SNX29: variants seen among roughly 807,000 people sequenced by gnomAD.
SNX29 encodes sorting nexin 29, also known as sorting nexin-29.
In SNX29, 78 loss-of-function variants were observed where a neutral mutation model predicts 102.1. The observed-to-expected ratio is 0.76, with a 90% CI of 0.64 to 0.92. The LOEUF is 0.92. Among genes scored for constraint, SNX29 ranks in the 40% least tolerant of loss-of-function variants. The probability of loss-of-function intolerance (pLI) is 0.00; values close to 1 mark genes in which losing one functional copy is unlikely to be tolerated. For synonymous variants in SNX29, 580 were observed against 414.5 expected, an observed-to-expected ratio of 1.40 and a Z score of -4.85; for missense variants, 1,280 against 1,061.7, an observed-to-expected ratio of 1.21 and a Z score of -2.86.
Position 12,051,924 on chromosome 16 carries a change from C to G in SNX29, c.826C>G (p.Gln276Glu), listed in dbSNP as rs1280501381. ...IISFDDEEDE[Q>E]NSGDVFKKTP... is the part of the protein sequence containing the mutation. ...CTCATTTGATGATGAGGAAGATGAG[C>G]AGAACTCTGGGGACGTGTTTAAAAA... The change falls in exon 8 of 21, where the codon CAG becomes GAG. Residue 276 changes from glutamine to glutamate, a missense_variant. Physicochemically the swap from Gln to Glu is conservative, Grantham distance 29. Coordinates refer to ENST00000566228, the MANE Select transcript of SNX29 (RefSeq NM_032167.5). 28 of 1,613,094 alleles carry G rather than the reference C, an allele frequency of 1.7e-5. No individual in the cohort carries two copies. The highest frequency in any genetic ancestry group is 2.3e-5 in the Non-Finnish European group (27 of 1,179,798).
chr16:12,449,447 T>TAATG (rs2086207128), intron 18 of SNX29, among the ~76,000 whole-genome samples: 1 of 152,050 alleles, frequency 6.6e-6, no homozygotes, highest in African/African-American at 2.4e-5. Flanking sequence ...GCAAAGCAGG[T>TAATG]AATGATGTTT....
intron 19 of SNX29, among the ~76,000 whole-genome samples, chr16:12,495,281 AGTT>A (rs1157741757): frequency 6.6e-6 from 1 of 151,978 alleles, no homozygotes; most frequent in East Asian, 1.9e-4. Context: ...CCTCCCAAGT[AGTT>A]GGGATTACAG....
At chr16:12,421,606 AT>A (rs2084873655) in intron 18 of SNX29, among the ~76,000 whole-genome samples, 1 of 152,240 alleles carries the variant, frequency 6.6e-6, no homozygotes, top group African/African-American at 2.4e-5. Flanking sequence ...GAGGTAAAGA[AT>A]GGAGAGAACT....
At chr16:12,438,492 A>G (rs749688516) in intron 18 of SNX29, among the ~76,000 whole-genome samples, 18 of 151,902 alleles carry the variant, frequency 1.2e-4, no homozygotes, top group Admixed American at 5.2e-4. Context: ...TGATCATTTG[A>G]TCTCAACCTC....
chr16:12,380,399 C>CTACCCACCCACCCACCCCT (rs1401683353), intron 16 of SNX29, among the ~76,000 whole-genome samples: 4 of 36,034 alleles, frequency 1.1e-4, no homozygotes, highest in East Asian at 1.9e-3. Flanking sequence ...CACCCCTCAT[C>CTACCCACCCACCCACCCCT]CATCCACCCA....
intron 18 of SNX29, among the ~76,000 whole-genome samples, chr16:12,452,367 A>AGTGCTGTGACTGAGAAAACCT (rs1243995381): frequency 7.9e-5 from 12 of 152,276 alleles, no homozygotes; most frequent in Non-Finnish European, 1.5e-5. Flanking sequence ...CAGCTCCCAT[A>AGTGCTGTGACTGAGAAAACCT]CAAGACTGTG....
In SNX29 at chr16:12,569,991, A is replaced by T; in HGVS notation, c.*1362A>T. 3.9e-6 allele frequency: 1 copy of T among 257,852 alleles called. No homozygotes were observed. Among genetic ancestry groups the T allele is most frequent in the Middle Eastern group, 1.2e-3 (1 of 852 alleles). The allele number at this position is 257,852 out of a possible 1,614,324, so 16.0% of individuals were successfully genotyped here. On this transcript the variant is annotated 3_prime_UTR_variant, in exon 21 of 21. Coordinates refer to ENST00000566228, the MANE Select transcript of SNX29 (RefSeq NM_032167.5). ...ATGGGCTTGTCCTGGAACTGCTTCAACTCAGTGGCTTAAAATGAGAACTGC... is the reference window on the plus strand; with the variant it reads ...ATGGGCTTGTCCTGGAACTGCTTCATCTCAGTGGCTTAAAATGAGAACTGC...
rs931399734 is a variant in SNX29, at chr16:12,524,747, C to A, written c.2224C>A (p.Leu742Met). Residue 742 changes from leucine (L) to methionine (M), a missense_variant, in exon 20 of 21, where the codon CTG (leucine) becomes ATG (methionine). Physicochemically the swap from Leu to Met is conservative, Grantham distance 15. Coordinates refer to ENST00000566228, the MANE Select transcript of SNX29 (RefSeq NM_032167.5). The part of the protein sequence containing the change: ...EERRKQLQNY[L>M]RSVMNKVIQM... The stretch of plus-strand genomic sequence containing the variant: ...ACGGAGAAAGCAGCTCCAGAATTAC[C>A]TGCGCAGCGTCATGAACAAAGTCAT... The A allele has an allele frequency of 6.2e-7, 1 of 1,613,576 alleles. No homozygotes were observed. Among genetic ancestry groups the A allele is most frequent in the Non-Finnish European group, 8.5e-7 (1 of 1,179,758 alleles).
intron 19 of SNX29, among the ~76,000 whole-genome samples, chr16:12,506,061 A>C (rs1420957089): frequency 6.6e-6 from 1 of 152,184 alleles, no homozygotes; most frequent in Admixed American, 6.5e-5. Context: ...CCCAGGCTCA[A>C]GTGATTCTCA....
intron 14 of SNX29, among the ~76,000 whole-genome samples, chr16:12,212,437 G>A (rs545282466): frequency 3.3e-5 from 5 of 152,312 alleles, no homozygotes; most frequent in East Asian, 1.9e-4. Context: ...TGGAAGAGGA[G>A]CCTGGGGAAG....
chr16:12,075,512 G>C (rs945420845), intron 10 of SNX29, among the ~76,000 whole-genome samples: 2 of 152,150 alleles, frequency 1.3e-5, no homozygotes, highest in Admixed American at 6.5e-5. Context: ...CTGTCTGATC[G>C]TTCCTCTGGA....
At chr16:12,351,723 C>T (rs11646079) in intron 15 of SNX29, among the ~76,000 whole-genome samples, 2,706 of 152,140 alleles carry the variant, frequency 0.018, 32 homozygotes, top group Non-Finnish European at 0.026. Context: ...GGAATTACTC[C>T]ATCTCCTAAA....
chr16:12,293,110 T>C (rs1673297010), intron 15 of SNX29, among the ~76,000 whole-genome samples: 1 of 152,244 alleles, frequency 6.6e-6, no homozygotes, highest in African/African-American at 2.4e-5. Context: ...TTTATTACTA[T>C]ACATATATTT....
chr16:12,078,856 A>G lies in SNX29; in HGVS notation c.1343A>G (p.His448Arg). 1.9e-6 allele frequency: 3 copies of G among 1,606,344 alleles called. No individual in the cohort carries two copies. The South Asian group carries it at 3.4e-5, about 18-fold the overall frequency. Residue 448 changes from histidine (H) to arginine (R), a missense_variant, in exon 11 of 21, where the codon CAC (histidine) becomes CGC (arginine). His to Arg is a conservative substitution (Grantham distance 29). Coordinates refer to ENST00000566228, the MANE Select transcript of SNX29 (RefSeq NM_032167.5). ...RYSVEASSPG[H>R]GSPLSSLLPS... Reference sequence around the variant, plus strand: ...AGTGTGGAAGCCAGCTCTCCAGGCCACGGAAGTCCTCTGAGCAGCCTGTTA... The same window carrying G: ...AGTGTGGAAGCCAGCTCTCCAGGCCGCGGAAGTCCTCTGAGCAGCCTGTTA...
chr16:12,392,419 C>G (rs1182203798), intron 16 of SNX29, among the ~76,000 whole-genome samples: 2 of 152,190 alleles, frequency 1.3e-5, no homozygotes, highest in African/African-American at 4.8e-5. Context: ...TCCCCATGCC[C>G]TTTGCCTCCC....
intron 18 of SNX29, among the ~76,000 whole-genome samples, chr16:12,462,546 T>G (rs2086852741): frequency 6.6e-6 from 1 of 152,152 alleles, no homozygotes; most frequent in African/African-American, 2.4e-5. Context: ...GCAGCCACTG[T>G]TAATGTTTTA....
At chr16:12,331,452 G>A (rs1011943434) in intron 15 of SNX29, among the ~76,000 whole-genome samples, 1 of 152,168 alleles carries the variant, frequency 6.6e-6, no homozygotes, top group Non-Finnish European at 1.5e-5. Flanking sequence ...AGAGCATGAG[G>A]TGTTGTATCT....
At chr16:12,465,992 A>C (rs1191262753) in intron 18 of SNX29, among the ~76,000 whole-genome samples, 1 of 152,208 alleles carries the variant, frequency 6.6e-6, no homozygotes, top group Non-Finnish European at 1.5e-5. Context: ...AGAAGGATGT[A>C]CCTCAGCATA....
At chr16:12,467,637 T>TTCATTCATTCATTCATTCCATTCAC (rs1046052637) in intron 18 of SNX29, among the ~76,000 whole-genome samples, 27 of 135,446 alleles carry the variant, frequency 2.0e-4, no homozygotes, top group Non-Finnish European at 2.4e-4. Context: ...CGTTCGTTCG[T>TTCATTCATTCATTCATTCCATTCAC]TCATTCATTC....
Sources: allele counts gnomAD v4.1 joint callset (sites outside exome capture counted in the v4.1 genomes callset), GRCh38; gene constraint gnomAD v4.1.1; transcripts MANE v1.5; gene names NCBI Gene and HGNC (gene_info 2026-07-23, HGNC 2026-07-21).